Variants in GNAO1 observed in about 807,000 individuals in gnomAD.
GNAO1 encodes the protein G protein subunit alpha o1, also known as guanine nucleotide-binding protein G(o) subunit alpha.
For synonymous variants in GNAO1, 164 were observed against 180.7 expected, an observed-to-expected ratio of 0.91 and a Z score of 0.74; for missense variants, 166 against 478.7, an observed-to-expected ratio of 0.35 and a Z score of 6.10.
chr16:56,236,107 C>T (rs1413245981), intron 2 of GNAO1, among the ~76,000 whole-genome samples: 1 of 152,174 alleles, frequency 6.6e-6, no homozygotes, highest in Non-Finnish European at 1.5e-5. Context: ...GGCATGTTCT[C>T]CCATTATTGC....
At chr16:56,355,114 G>A (rs1193091165) in intron 8 of GNAO1, 33 bp downstream of exon 8, 22 of 931,216 alleles carry the variant, frequency 2.4e-5, no homozygotes, top group Non-Finnish European at 3.5e-5. Context: ...AACAGCTTGC[G>A]TGCGCGCGCA....
chr16:56,198,035 G>A (rs2143291872), intron 2 of GNAO1, among the ~76,000 whole-genome samples: 1 of 152,172 alleles, frequency 6.6e-6, no homozygotes. Context: ...GTGAAGGGGT[G>A]ATTCCAAACT....
In GNAO1 at chr16:56,334,873, G is replaced by A. The variant is rs758959069; in HGVS notation, c.593+16G>A. ...TCCACTTCAGGTGAGGCCCAGAGAG[G>A]CCCCCAGGCCCTGGCGAGGGCTAAG... On this transcript the variant is annotated intron_variant, in intron 5 of 8. Transcript: ENST00000262493. 3 of 1,613,446 alleles carry A rather than the reference G, an allele frequency of 1.9e-6. No homozygotes were observed. The highest frequency in any genetic ancestry group is 2.5e-6 in the Non-Finnish European group (3 of 1,179,808).
intron 2 of GNAO1, among the ~76,000 whole-genome samples, chr16:56,227,946 G>T (rs574294194): frequency 6.6e-6 from 1 of 152,268 alleles, no homozygotes; most frequent in Non-Finnish European, 1.5e-5. Flanking sequence ...CAGGTAGTCT[G>T]AGAGGAGCAC....
chr16:56,342,213 G>A (rs1349265089), intron 6 of GNAO1, among the ~76,000 whole-genome samples: 3 of 152,204 alleles, frequency 2.0e-5, no homozygotes, highest in Non-Finnish European at 4.4e-5. Context: ...AGGCCAGTGT[G>A]GGCCTGGAGT....
At chr16:56,335,253 A>C (rs2587891) in intron 5 of GNAO1, among the ~76,000 whole-genome samples, 116,474 of 152,178 alleles carry the variant, frequency 0.77, 44,653 homozygotes, top group East Asian at 0.85. Flanking sequence ...TGAGGACCCA[A>C]GTAATCCCAG....
chr16:56,215,156 G>A (rs1055732044), intron 2 of GNAO1, among the ~76,000 whole-genome samples: 3 of 152,124 alleles, frequency 2.0e-5, no homozygotes, highest in Admixed American at 6.5e-5. Flanking sequence ...TCCAAGGGCC[G>A]CTCAAGTCTC....
intron 3 of GNAO1, among the ~76,000 whole-genome samples, chr16:56,317,674 ATAGG>A (rs2037525689): frequency 2.0e-5 from 3 of 152,142 alleles, no homozygotes; most frequent in South Asian, 2.1e-4. Context: ...ACAAGGTTTG[ATAGG>A]TAGGTATCCT....
At chr16:56,309,816 G>T (rs190117120) in intron 3 of GNAO1, among the ~76,000 whole-genome samples, 4 of 152,328 alleles carry the variant, frequency 2.6e-5, no homozygotes, top group Admixed American at 2.6e-4. Context: ...TGCTGGGGCA[G>T]TCCTCCCCAG....
intron 6 of GNAO1, chr16:56,345,033 C>T (rs1381275669): frequency 1.0e-6 from 1 of 985,288 alleles, no homozygotes; most frequent in Admixed American, 6.2e-5. Flanking sequence ...AGTATTTGGA[C>T]CCAGGCCAGC....
At chr16:56,301,064 G>A (rs1303019507) in intron 3 of GNAO1, 3 of 152,300 alleles carry the variant, frequency 2.0e-5, no homozygotes, top group Non-Finnish European at 4.4e-5. Flanking sequence ...CCCAGGGCAA[G>A]GCCACATTTC....
chr16:56,276,108 G>T, intron 3 of GNAO1, 36 bp downstream of exon 3: 1 of 1,585,144 alleles, frequency 6.3e-7, no homozygotes, highest in Non-Finnish European at 8.6e-7. Context: ...GCAACAAGAG[G>T]TTCTGTCTGT....
intron 2 of GNAO1, among the ~76,000 whole-genome samples, chr16:56,242,413 C>T (rs1315258721): frequency 2.0e-5 from 3 of 152,100 alleles, no homozygotes; most frequent in Non-Finnish European, 2.9e-5. Context: ...CTCCCAATTT[C>T]AAAACTTGCT....
chr16:56,325,302 C>G (rs2037620190), intron 3 of GNAO1, among the ~76,000 whole-genome samples: 1 of 152,198 alleles, frequency 6.6e-6, no homozygotes, highest in Non-Finnish European at 1.5e-5. Flanking sequence ...CATGGAGAAA[C>G]CCCATCTCTA....
In GNAO1 at chr16:56,295,111, T is replaced by C. The variant is rs570472961; in HGVS notation, c.303+19039T>C. Among the ~76,000 whole-genome samples, 17 of 152,348 alleles carry C rather than the reference T, an allele frequency of 1.1e-4. No homozygotes were observed. In the South Asian group the frequency reaches 3.5e-3, roughly 32 times the overall value. ...AATGGTAAATGGTTTGTTTAATGAA[T>C]GTTGATTTGTCCACCAGCTTCCACG... On this transcript the variant is annotated intron_variant, in intron 3 of 8. Transcript: ENST00000262493.
chr16:56,252,938 C>A (rs1462050774), intron 2 of GNAO1, among the ~76,000 whole-genome samples: 1 of 152,208 alleles, frequency 6.6e-6, no homozygotes. Flanking sequence ...GAGGAGGTGC[C>A]GTCCATGCTG....
intron 4 of GNAO1, among the ~76,000 whole-genome samples, chr16:56,334,124 G>A (rs1470114374): frequency 6.6e-6 from 1 of 152,212 alleles, no homozygotes; most frequent in Non-Finnish European, 1.5e-5. Flanking sequence ...CCCAGCCGCT[G>A]TATGGCTGTG....
At chr16:56,333,144 A>G (rs1231736976) in intron 4 of GNAO1, among the ~76,000 whole-genome samples, 2 of 152,104 alleles carry the variant, frequency 1.3e-5, no homozygotes, top group African/African-American at 4.8e-5. Flanking sequence ...GTCCAGTTTA[A>G]GAGCGTGGGG....
chr16:56,318,391 A>G (rs1469216050), intron 3 of GNAO1, among the ~76,000 whole-genome samples: 1 of 152,212 alleles, frequency 6.6e-6, no homozygotes, highest in Non-Finnish European at 1.5e-5. Flanking sequence ...TCGGCAGCCC[A>G]AGGAAGGCGC....
Sources: allele counts gnomAD v4.1 joint callset (sites outside exome capture counted in the v4.1 genomes callset), GRCh38; gene constraint gnomAD v4.1.1; transcripts MANE v1.5; gene names NCBI Gene and HGNC (gene_info 2026-07-23, HGNC 2026-07-21).